The following TBATA variants were observed in gnomAD, a reference collection of about 807,000 sequenced individuals.
The protein encoded by TBATA is thymus, brain and testes associated.
A neutral mutation model predicts 38.7 loss-of-function variants in TBATA; 47 were observed. The ratio of observed to expected loss-of-function variants is 1.21; its 90% CI spans 0.96 to 1.55. The LOEUF (loss-of-function observed/expected upper bound fraction) is 1.55, where lower values mean the gene tolerates loss of function less well. Among genes scored for constraint, TBATA ranks in the 40% most tolerant of loss-of-function variants. The pLI, the probability that TBATA is intolerant of heterozygous loss-of-function variation, is 0.00. For missense variants in TBATA, 436 were observed against 435.6 expected, an observed-to-expected ratio of 1.00 and a Z score of -0.01; for synonymous variants, 183 against 170.5, an observed-to-expected ratio of 1.07 and a Z score of -0.57.
chr10:70,784,337 T>C (rs543657976), intron 2 of TBATA, among the ~76,000 whole-genome samples: 417 of 152,326 alleles, frequency 2.7e-3, no homozygotes, highest in African/African-American at 9.7e-3. Context: ...GTGTTTATTA[T>C]ATTATTAAAT....
Position 70,779,758 on chromosome 10 carries a change from G to A in TBATA, c.278-16C>T, listed in dbSNP as rs202134801. On this transcript the variant is annotated splice_polypyrimidine_tract_variant and intron_variant, in intron 4 of 10. Transcript: ENST00000456372. The stretch of plus-strand genomic sequence containing the variant: ...CCGGTGAGATCTGCAAAGGGTTAGA[G>A]GCTGTGGGAAGGGAGGCTTAGGTGG... The A allele has an allele frequency of 6.6e-7, 1 of 1,525,154 alleles. No individual in the cohort carries two copies. Among genetic ancestry groups the A allele is most frequent in the Non-Finnish European group, 8.7e-7 (1 of 1,146,802 alleles). The allele number at this position is 1,525,154 out of a possible 1,614,324, so 94.5% of individuals were successfully genotyped here. A position where few individuals can be genotyped will look rare whatever the true frequency, so the allele number is the denominator to read the frequency against.
intron 4 of TBATA, among the ~76,000 whole-genome samples, chr10:70,780,233 C>A (rs552896917): frequency 6.6e-6 from 1 of 151,834 alleles, no homozygotes; most frequent in East Asian, 1.9e-4. Context: ...TGCAAGGCTG[C>A]GTGCAGGGCA....
At position 70,783,412 on chromosome 10, in the gene TBATA, A is replaced by G; in HGVS notation, c.-33T>C. The G allele has an allele frequency of 4.3e-6, 7 of 1,612,962 alleles. No individual in the cohort carries two copies. Among genetic ancestry groups the G allele is most frequent in the Non-Finnish European group, 5.1e-6 (6 of 1,178,968 alleles). Reference sequence around the variant, plus strand: ...TTTTTAACAGACTAAAGGCCAGTGCACTTAATACTAGCGTTGAGGATGCAG... The same window carrying G: ...TTTTTAACAGACTAAAGGCCAGTGCGCTTAATACTAGCGTTGAGGATGCAG... On this transcript the variant is annotated 5_prime_UTR_variant, in exon 3 of 11. Transcript: ENST00000456372.
chr10:70,777,274 C>T lies in TBATA; in HGVS notation c.572G>A (p.Arg191Lys), dbSNP rs778826039. ...QGAKYSAETG[R>K]LIPASTRAVG... ...AGCCCGGGTGGAAGCGGGGATGAGCCTCCCAGTCTCTGCTGAGTACTTTGC... is the reference window on the plus strand; with the variant it reads ...AGCCCGGGTGGAAGCGGGGATGAGCTTCCCAGTCTCTGCTGAGTACTTTGC... The change falls in exon 7 of 11, where the codon AGG becomes AAG. Residue 191 changes from arginine to lysine, a missense_variant. Arg to Lys is a conservative substitution (Grantham distance 26). Coordinates refer to ENST00000456372, the MANE Select transcript of TBATA (RefSeq NM_001318241.2). 2.5e-6 allele frequency: 4 copies of T among 1,613,782 alleles called. No homozygotes were observed. Among genetic ancestry groups the T allele is most frequent in the East Asian group, 2.2e-5 (1 of 44,868 alleles).
At chr10:70,777,865 C>A (rs1359449902) in intron 6 of TBATA, 3 of 441,214 alleles carry the variant, frequency 6.8e-6, no homozygotes, top group Non-Finnish European at 9.0e-6. Context: ...ATCCTTCCCC[C>A]CATTTTAAAG....
In TBATA at chr10:70,779,762, G is replaced by A. The variant is rs374782595; in HGVS notation, c.278-20C>T. 6.6e-7 allele frequency: 1 copy of A among 1,522,262 alleles called. No individual in the cohort carries two copies. Among genetic ancestry groups the A allele is most frequent in the Non-Finnish European group, 8.7e-7 (1 of 1,145,572 alleles). The allele number at this position is 1,522,262 out of a possible 1,614,324, so 94.3% of individuals were successfully genotyped here. On this transcript the variant is annotated intron_variant, in intron 4 of 10. Transcript: ENST00000456372. ...TGAGATCTGCAAAGGGTTAGAGGCT[G>A]TGGGAAGGGAGGCTTAGGTGGACCT... is the stretch of plus-strand genomic sequence containing the variant.
intron 6 of TBATA, chr10:70,777,735 A>G: frequency 2.4e-6 from 1 of 411,480 alleles, no homozygotes; most frequent in Non-Finnish European, 4.7e-6. Flanking sequence ...TGAAAACAGC[A>G]TCCTGCACCA....
At chr10:70,781,041 G>C (rs938336395) in intron 4 of TBATA, among the ~76,000 whole-genome samples, 1 of 152,140 alleles carries the variant, frequency 6.6e-6, no homozygotes, top group Non-Finnish European at 1.5e-5. Context: ...TGGCCCAAAT[G>C]CCTACCTGAT....
chr10:70,782,874 C>G (rs1476966771), intron 3 of TBATA, among the ~76,000 whole-genome samples: 2 of 152,222 alleles, frequency 1.3e-5, no homozygotes, highest in Non-Finnish European at 2.9e-5. Flanking sequence ...TTTTGGAGTA[C>G]AGATGGACTC....
At chr10:70,772,310 C>T (rs773321487) in intron 10 of TBATA, 28 of 714,336 alleles carry the variant, frequency 3.9e-5, no homozygotes, top group Middle Eastern at 2.3e-4. Flanking sequence ...CTGAATTCTT[C>T]CTCACTGATC....
At position 70,771,305 on chromosome 10, in the gene TBATA, G is replaced by T. The variant is rs757396328; in HGVS notation, c.*71C>A. The T allele has an allele frequency of 6.2e-7, 1 of 1,613,564 alleles. No individual in the cohort carries two copies. The highest frequency in any genetic ancestry group is 8.5e-7 in the Non-Finnish European group (1 of 1,179,646). ...GGGAATCAGGTACTGCTGTGAAGGT[G>T]GTGGAGACAGAAACACCCCTGAACC... On this transcript the variant is annotated 3_prime_UTR_variant, in exon 11 of 11. Transcript: ENST00000456372.
chr10:70,779,498 G>GA, intron 5 of TBATA, 95 bp downstream of exon 5: 1 of 1,355,262 alleles, frequency 7.4e-7, no homozygotes, highest in Non-Finnish European at 9.7e-7. Flanking sequence ...ACCTAAGAGC[G>GA]ATGGCCCTTT....
rs1458358921 is a variant in TBATA, at chr10:70,773,393, T to C, written c.920+820A>G. Among the ~76,000 whole-genome samples, 3 of 152,086 alleles carry C rather than the reference T, an allele frequency of 2.0e-5. No individual in the cohort carries two copies. In the East Asian group the frequency reaches 5.8e-4, roughly 29 times the overall value. ...TTTTCCCAAGCTTTCATTTGCTCAG[T>C]CAAATCCTACCACTCCTATCAGTGT... On this transcript the variant is annotated intron_variant, in intron 9 of 10. Transcript: ENST00000456372.
chr10:70,777,294 C>T lies in TBATA; in HGVS notation c.552G>A (p.Lys184=), dbSNP rs1843535018. 2 of 1,613,646 alleles carry T rather than the reference C, an allele frequency of 1.2e-6. No homozygotes were observed. The highest frequency in any genetic ancestry group is 1.7e-6 in the Non-Finnish European group (2 of 1,179,934). Residue 184 remains lysine, a synonymous_variant, in exon 7 of 11, where the codon AAG becomes AAA. Transcript: ENST00000456372. ...KEEPLREQGA[K]YSAETGRLIP... is the part of the protein sequence containing the mutation. ...TGAGCCTCCCAGTCTCTGCTGAGTA[C>T]TTTGCCCCCTGCTCCCGCAGAGGCT...
At chr10:70,783,655 A>G (rs1564601340) in intron 2 of TBATA, 130 bp from the exon 3 acceptor site, 4 of 374,766 alleles carry the variant, frequency 1.1e-5, no homozygotes, top group East Asian at 5.1e-5. Context: ...AAGAATATTC[A>G]TACAAACACT....
intron 6 of TBATA, among the ~76,000 whole-genome samples, chr10:70,777,545 C>T (rs1205812064): frequency 2.0e-5 from 3 of 152,162 alleles, no homozygotes; most frequent in African/African-American, 4.8e-5. Context: ...CCTTGGGCAT[C>T]CCCGGCCCTC....
intron 2 of TBATA, among the ~76,000 whole-genome samples, chr10:70,784,255 C>T (rs539437018): frequency 1.5e-4 from 23 of 152,198 alleles, no homozygotes; most frequent in African/African-American, 4.1e-4. Flanking sequence ...GGGAAGTGTG[C>T]AGGAGAAGCG....
At chr10:70,776,547 G>A (rs1331657391) in intron 7 of TBATA, among the ~76,000 whole-genome samples, 2 of 152,254 alleles carry the variant, frequency 1.3e-5, no homozygotes, top group Admixed American at 1.3e-4. Flanking sequence ...TAAGGTTTCA[G>A]AGGGAGTGTG....
chr10:70,777,313 A>G lies in TBATA; in HGVS notation c.533T>C (p.Leu178Pro), dbSNP rs1219830030. The change falls in exon 7 of 11, where the codon CTG becomes CCG. Residue 178 changes from leucine (L) to proline (P), a missense_variant. By Grantham distance (98) the Leu-to-Pro change is moderately conservative (BLOSUM62 -3). Transcript: ENST00000456372. ...TGAGTACTTTGCCCCCTGCTCCCGCAGAGGCTCCTCCTTCTGCTCCTTCTG... is the reference window on the plus strand; with the variant it reads ...TGAGTACTTTGCCCCCTGCTCCCGCGGAGGCTCCTCCTTCTGCTCCTTCTG... Reference protein sequence around the residue: ...KEQKEQKEEPLREQGAKYSAE... With the variant: ...KEQKEQKEEPPREQGAKYSAE... The G allele has an allele frequency of 1.2e-6, 2 of 1,613,498 alleles. No homozygotes were observed. The highest frequency in any genetic ancestry group is 2.7e-5 in the African/African-American group (2 of 74,888).
Sources: allele counts gnomAD v4.1 joint callset (sites outside exome capture counted in the v4.1 genomes callset), GRCh38; gene constraint gnomAD v4.1.1; transcripts MANE v1.5; gene names NCBI Gene and HGNC (gene_info 2026-07-23, HGNC 2026-07-21).